The following FILIP1L variants were observed in gnomAD, a reference collection of about 807,000 sequenced individuals.
FILIP1L encodes the protein filamin A interacting protein 1 like, also known as filamin A-interacting protein 1-like.
In FILIP1L, 55 loss-of-function variants were observed where a neutral mutation model predicts 96.6. The observed-to-expected ratio is 0.57, with a 90% confidence interval of 0.46 to 0.71. FILIP1L has a LOEUF of 0.71. Among genes scored for constraint, FILIP1L ranks in the 30% least tolerant of loss-of-function variants. The pLI, the probability that FILIP1L is intolerant of heterozygous loss-of-function variation, is 0.00. For synonymous variants in FILIP1L, 467 were observed against 473.9 expected (o/e 0.99, Z 0.19); for missense variants, 1,304 against 1,321.2 (o/e 0.99, Z 0.20).
intron 1 of FILIP1L, among the ~76,000 whole-genome samples, chr3:99,973,508 GAA>G (rs1318041754): frequency 2.0e-5 from 3 of 151,490 alleles, no homozygotes; most frequent in Non-Finnish European, 2.9e-5. Context: ...TCCTTATTTT[GAA>G]AGTTTAAGCT....
intron 5 of FILIP1L, among the ~76,000 whole-genome samples, chr3:99,832,956 TA>T (rs776028487): frequency 3.4e-4 from 51 of 151,852 alleles, no homozygotes; most frequent in Non-Finnish European, 7.1e-4. Flanking sequence ...ATCATTTTTA[TA>T]GAGCGTTATG....
intron 4 of FILIP1L, among the ~76,000 whole-genome samples, chr3:99,871,487 A>G (rs1944783809): frequency 6.6e-6 from 1 of 152,182 alleles, no homozygotes; most frequent in African/African-American, 2.4e-5. Context: ...GAGACAGATA[A>G]TAAGCAAATA....
Position 99,849,503 on chromosome 3 carries a change from T to C in FILIP1L, c.2173A>G (p.Lys725Glu). The C allele has an allele frequency of 6.2e-7, 1 of 1,613,384 alleles. No individual in the cohort carries two copies. The highest frequency in any genetic ancestry group is 8.5e-7 in the Non-Finnish European group (1 of 1,179,868). Residue 725 changes from lysine (K) to glutamate (E), a missense_variant, in exon 5 of 6, where the codon AAA becomes GAA. By Grantham distance (56) the Lys-to-Glu change is moderately conservative (BLOSUM62 1). Transcript: ENST00000477258. ...TCAGTTGCCATGTATTCATGAATTT[T>C]CTCTTTTAATGCATCCACTTCTCTT... ...LSREVDALKE[K>E]IHEYMATEDL...
chr3:100,052,394 AG>A (rs2065389373), intron 1 of FILIP1L, among the ~76,000 whole-genome samples: 1 of 152,182 alleles, frequency 6.6e-6, no homozygotes, highest in Non-Finnish European at 1.5e-5. Flanking sequence ...CCAAGGTCTG[AG>A]GGGTAGTAGT....
intron 1 of FILIP1L, among the ~76,000 whole-genome samples, chr3:100,108,515 T>A (rs888576112): frequency 6.6e-6 from 1 of 152,172 alleles, no homozygotes; most frequent in Non-Finnish European, 1.5e-5. Context: ...TCTGGGAAAA[T>A]CTATGCCCTT....
intron 1 of FILIP1L, among the ~76,000 whole-genome samples, chr3:100,056,953 G>A (rs938281914): frequency 1.3e-5 from 2 of 152,060 alleles, no homozygotes; most frequent in Non-Finnish European, 2.9e-5. Flanking sequence ...GCAGTGAGCC[G>A]AGATCGCACC....
intron 1 of FILIP1L, among the ~76,000 whole-genome samples, chr3:99,983,460 G>GTA (rs1709214926): frequency 2.3e-4 from 16 of 69,486 alleles, no homozygotes; most frequent in African/African-American, 1.7e-3. Context: ...ATATATATAT[G>GTA]TGTGTATATA....
chr3:99,898,038 T>C (rs1390072759), intron 4 of FILIP1L: 3 of 152,204 alleles, frequency 2.0e-5, no homozygotes, highest in South Asian at 2.1e-4. Context: ...GGTTTTTTTT[T>C]CTCCAGTTAG....
chr3:99,848,346 A>G lies in FILIP1L; in HGVS notation c.3330T>C (p.Ser1110=). The change falls in exon 5 of 6, where the codon AGT becomes AGC. Residue 1110 remains serine, a synonymous_variant. Transcript: ENST00000477258. The part of the protein sequence containing the change: ...LNKTTNKVTS[S]ITITPTATPL... ...GTGTGGCTGTTGGTGTGATAGTAAT[A>G]CTGCTGGTGACTTTATTGGTTGTTT... 1.2e-6 allele frequency: 2 copies of G among 1,614,140 alleles called. No individual in the cohort carries two copies. Among genetic ancestry groups the G allele is most frequent in the Non-Finnish European group, 1.7e-6 (2 of 1,180,012 alleles).
At chr3:99,980,406 G>C (rs979543306) in intron 1 of FILIP1L, among the ~76,000 whole-genome samples, 1 of 152,130 alleles carries the variant, frequency 6.6e-6, no homozygotes, top group African/African-American at 2.4e-5. Flanking sequence ...TAGTACATCA[G>C]ATATGTTAGG....
chr3:100,049,681 C>A (rs998729716), intron 1 of FILIP1L, among the ~76,000 whole-genome samples: 1 of 152,196 alleles, frequency 6.6e-6, no homozygotes, highest in African/African-American at 2.4e-5. Context: ...CCTCCTCCTT[C>A]TCAGCCTACT....
At chr3:100,101,153 C>T (rs2066298265) in intron 1 of FILIP1L, among the ~76,000 whole-genome samples, 1 of 152,152 alleles carries the variant, frequency 6.6e-6, no homozygotes, top group Admixed American at 6.5e-5. Flanking sequence ...TTAGCCTCTC[C>T]TGAGTGGTAG....
chr3:99,970,188 A>C (rs1708772470), intron 1 of FILIP1L, among the ~76,000 whole-genome samples: 2 of 152,214 alleles, frequency 1.3e-5, no homozygotes. Context: ...ATCATTTTGC[A>C]GCTGAGAAAG....
chr3:99,974,090 T>G (rs1482636819), intron 1 of FILIP1L, among the ~76,000 whole-genome samples: 1 of 152,232 alleles, frequency 6.6e-6, no homozygotes. Flanking sequence ...ACTGGGGAAC[T>G]ATGTTTCTTT....
chr3:100,013,768 A>T (rs1219304030), intron 1 of FILIP1L, among the ~76,000 whole-genome samples: 2 of 152,212 alleles, frequency 1.3e-5, no homozygotes, highest in Non-Finnish European at 2.9e-5. Context: ...ACCTTGTGAA[A>T]TGATTAAATC....
intron 4 of FILIP1L, among the ~76,000 whole-genome samples, chr3:99,891,717 A>G (rs1299431771): frequency 6.6e-6 from 1 of 152,180 alleles, no homozygotes; most frequent in African/African-American, 2.4e-5. Flanking sequence ...ATTTCAAATT[A>G]AGAAATGGAG....
intron 4 of FILIP1L, among the ~76,000 whole-genome samples, chr3:99,854,741 C>A (rs1943874172): frequency 6.6e-6 from 1 of 152,152 alleles, no homozygotes; most frequent in Non-Finnish European, 1.5e-5. Flanking sequence ...ATGTTTGTGG[C>A]ATGTGTGTAT....
At chr3:99,978,081 A>G (rs532280400) in intron 1 of FILIP1L, among the ~76,000 whole-genome samples, 2 of 152,326 alleles carry the variant, frequency 1.3e-5, no homozygotes, top group African/African-American at 4.8e-5. Context: ...AAAAGAAAAC[A>G]TTTTTAAAGC....
At chr3:99,851,222 A>G in intron 4 of FILIP1L, 152 bp from the exon 5 acceptor site, 1 of 596,890 alleles carries the variant, frequency 1.7e-6, no homozygotes, top group East Asian at 3.2e-5. Flanking sequence ...ATTTGATGAC[A>G]GAGGAAAATC....
Sources: allele counts gnomAD v4.1 joint callset (sites outside exome capture counted in the v4.1 genomes callset), GRCh38; gene constraint gnomAD v4.1.1; transcripts MANE v1.5; gene names NCBI Gene and HGNC (gene_info 2026-07-23, HGNC 2026-07-21).